The following PPIL2 variants were observed in gnomAD, a reference collection of about 807,000 sequenced individuals.
PPIL2 encodes peptidylprolyl isomerase like 2, also known as RING-type E3 ubiquitin-protein ligase PPIL2.
PPIL2 carries 50 observed loss-of-function variants against 75.2 expected under a neutral mutation model. The ratio of observed to expected loss-of-function variants is 0.66; its 90% CI spans 0.53 to 0.84. The LOEUF is 0.84. Among genes scored for constraint, PPIL2 ranks in the 40% least tolerant of loss-of-function variants. PPIL2 has a pLI of 0.00. For missense variants in PPIL2, 590 were observed against 685.0 expected (o/e 0.86, Z 1.55); for synonymous variants, 245 against 258.8 (o/e 0.95, Z 0.51).
In PPIL2 at chr22:21,669,332, A is replaced by G. The variant is rs748337475; in HGVS notation, c.33-581A>G. 343 of 450,496 alleles carry G rather than the reference A, an allele frequency of 7.6e-4. 4 individuals carry two copies. The highest frequency in any genetic ancestry group is 1.4e-4 in the Non-Finnish European group (32 of 223,626). 27.9% of individuals were successfully genotyped at this position (450,496 alleles called of 1,614,324 possible). ...CTGGCTAAGTTTTAAATTTTCTTGT[A>G]GAGACAGATTCTCGCTTTGTTGCCC... On this transcript the variant is annotated intron_variant, in intron 1 of 19. Coordinates refer to ENST00000398831, the MANE Select transcript of PPIL2 (RefSeq NM_014337.4).
chr22:21,668,128 T>A (rs1313328631), intron 1 of PPIL2, among the ~76,000 whole-genome samples: 1 of 150,820 alleles, frequency 6.6e-6, no homozygotes, highest in Non-Finnish European at 1.5e-5. Flanking sequence ...TTTCAGCTCT[T>A]GAGCCTGCTC....
chr22:21,696,511 C>T lies in PPIL2; in HGVS notation c.*1021C>T, dbSNP rs532864534. 9 of 1,292,092 alleles carry T rather than the reference C, an allele frequency of 7.0e-6. No homozygotes were observed. The highest frequency in any genetic ancestry group is 6.6e-5 in the Admixed American group (2 of 30,152). 80.0% of individuals were successfully genotyped at this position (1,292,092 alleles called of 1,614,324 possible). On this transcript the variant is annotated 3_prime_UTR_variant, in exon 20 of 20. Coordinates refer to ENST00000398831, the MANE Select transcript of PPIL2 (RefSeq NM_014337.4). Reference sequence around the variant, plus strand: ...ATCAGCAGCCCTTAAAGAAAGACCCCTCCCTCAACCCCCATTTTTCTGTTA... The same window carrying T: ...ATCAGCAGCCCTTAAAGAAAGACCCTTCCCTCAACCCCCATTTTTCTGTTA...
intron 11 of PPIL2, 62 bp downstream of exon 11, chr22:21,686,620 T>A: frequency 6.6e-7 from 1 of 1,504,448 alleles, no homozygotes; most frequent in Non-Finnish European, 9.2e-7. Context: ...GGGGTGGGTG[T>A]GCTCCCCGAC....
rs762041135 is a variant in PPIL2, at chr22:21,695,029, C to T, written c.1425C>T (p.Thr475=). The T allele has an allele frequency of 6.2e-7, 1 of 1,612,664 alleles. No homozygotes were observed. The highest frequency in any genetic ancestry group is 2.2e-5 in the East Asian group (1 of 44,874). The part of the protein sequence containing the change: ...QPQAGSQGPQ[T]FRQGVGKYIN... The stretch of plus-strand genomic sequence containing the variant: ...AGGCAGGGAGCCAGGGCCCCCAGAC[C>T]TTCCGCCAGGGCGTGGGCAAGTACA... Residue 475 remains threonine, a synonymous_variant, in exon 19 of 20, where the codon ACC becomes ACT. Transcript: ENST00000398831.
chr22:21,682,339 C>T (rs923682369), intron 7 of PPIL2, 98 bp from the exon 8 acceptor site: 30 of 989,274 alleles, frequency 3.0e-5, no homozygotes, highest in South Asian at 8.1e-5. Context: ...CCTCTCAAAT[C>T]GTGCCATGGT....
Position 21,696,471 on chromosome 22 carries a change from C to G in PPIL2, c.*981C>G, listed in dbSNP as rs1348512314. ...TCCTGTCAGTCACTGACTCTGATGGCCTTGGGCCAGCTGCATCAGCAGCCC... is the reference window on the plus strand; with the variant it reads ...TCCTGTCAGTCACTGACTCTGATGGGCTTGGGCCAGCTGCATCAGCAGCCC... On this transcript the variant is annotated 3_prime_UTR_variant, in exon 20 of 20. Coordinates refer to ENST00000398831, the MANE Select transcript of PPIL2 (RefSeq NM_014337.4). The G allele has an allele frequency of 4.9e-6, 6 of 1,221,044 alleles. No homozygotes were observed. Among genetic ancestry groups the G allele is most frequent in the Non-Finnish European group, 6.2e-6 (6 of 966,050 alleles). 75.6% of individuals were successfully genotyped at this position (1,221,044 alleles called of 1,614,324 possible).
At chr22:21,687,610 C>A in intron 12 of PPIL2, 33 bp from the exon 13 acceptor site, 8 of 958,248 alleles carry the variant, frequency 8.3e-6, no homozygotes, top group South Asian at 1.3e-5. Flanking sequence ...TGGCAGCTCT[C>A]TGCTTCATAC....
chr22:21,696,359 A>G lies in PPIL2; in HGVS notation c.*869A>G. 1 of 1,141,140 alleles carries G rather than the reference A, an allele frequency of 8.8e-7. No homozygotes were observed. Among genetic ancestry groups the G allele is most frequent in the Non-Finnish European group, 1.1e-6 (1 of 921,284 alleles). The allele number at this position is 1,141,140 out of a possible 1,614,324, so 70.7% of individuals were successfully genotyped here. A position where few individuals can be genotyped will look rare whatever the true frequency, so the allele number is the denominator to read the frequency against. On this transcript the variant is annotated 3_prime_UTR_variant, in exon 20 of 20. Transcript: ENST00000398831. ...TGAGGCCAGTGTCTCCTGCTGTGAG[A>G]ACAAGTGGATGTCCCTCTCCCCGCC...
intron 9 of PPIL2, 103 bp downstream of exon 9, chr22:21,683,360 C>G: frequency 1.1e-6 from 1 of 949,340 alleles, no homozygotes; most frequent in Non-Finnish European, 1.6e-6. Flanking sequence ...CAGGGGGTCC[C>G]AGCCCAGACA....
intron 6 of PPIL2, among the ~76,000 whole-genome samples, chr22:21,680,217 G>C (rs1442589796): frequency 6.6e-6 from 1 of 152,088 alleles, no homozygotes; most frequent in African/African-American, 2.4e-5. Context: ...ACTGGGTGGG[G>C]ACTTACAGGC....
intron 9 of PPIL2, among the ~76,000 whole-genome samples, chr22:21,683,613 G>A (rs1161110988): frequency 6.6e-6 from 1 of 152,222 alleles, no homozygotes; most frequent in African/African-American, 2.4e-5. Flanking sequence ...GAGGTCACTC[G>A]GCCTTGTGCT....
intron 6 of PPIL2, among the ~76,000 whole-genome samples, chr22:21,679,720 A>G (rs1049236338): frequency 4.0e-5 from 6 of 151,724 alleles, no homozygotes; most frequent in African/African-American, 1.5e-4. Flanking sequence ...TAGAGGTGTG[A>G]GCCACCTCTA....
chr22:21,668,855 G>C (rs921982535), intron 1 of PPIL2, among the ~76,000 whole-genome samples: 1 of 150,882 alleles, frequency 6.6e-6, no homozygotes, highest in African/African-American at 2.4e-5. Context: ...GGGACTACAG[G>C]CGCCTGCCAC....
At chr22:21,677,720 A>G in intron 6 of PPIL2, among the ~76,000 whole-genome samples, 1 of 152,148 alleles carries the variant, frequency 6.6e-6, no homozygotes. Context: ...AGGGAGGGAC[A>G]GCAAATATTT....
In PPIL2 at chr22:21,696,563, C is replaced by T. The variant is rs889091319; in HGVS notation, c.*1073C>T. 27 of 1,394,462 alleles carry T rather than the reference C, an allele frequency of 1.9e-5. No homozygotes were observed. The South Asian group carries it at 2.5e-4, about 13-fold the overall frequency. The allele number at this position is 1,394,462 out of a possible 1,614,324, so 86.4% of individuals were successfully genotyped here. On this transcript the variant is annotated 3_prime_UTR_variant, in exon 20 of 20. Transcript: ENST00000398831. ...ATGTGCCCCTGGCTGGCTTTTTCTT[C>T]GTCTTCAGCCCAGGCCAGTGGTCAG...
intron 1 of PPIL2, among the ~76,000 whole-genome samples, chr22:21,668,873 G>A (rs949177839): frequency 3.3e-5 from 5 of 151,356 alleles, no homozygotes; most frequent in East Asian, 2.0e-4. Flanking sequence ...CACCACGCCC[G>A]GCTAATTTTT....
At chr22:21,671,736 T>C (rs1306199121) in intron 4 of PPIL2, among the ~76,000 whole-genome samples, 1 of 152,134 alleles carries the variant, frequency 6.6e-6, no homozygotes. Context: ...TGATGCTAGC[T>C]TAGTATTTAA....
rs2066612233 is a variant in PPIL2 at position 21,671,038 on chromosome 22, A to C, written c.170A>C (p.Asp57Ala). ...TTTGTCTACCCAGTCTGCACTCCCG[A>C]TGGCATCGTCTTTGACTTACTGTGA... ...QPFVYPVCTP[D>A]GIVFDLLNIV... The change falls in exon 4 of 20, where the codon GAT becomes GCT. Residue 57 changes from aspartate to alanine, a missense_variant. Transcript: ENST00000398831. 6.2e-7 allele frequency: 1 copy of C among 1,612,666 alleles called. No individual in the cohort carries two copies. Among genetic ancestry groups the C allele is most frequent in the South Asian group, 1.1e-5 (1 of 91,052 alleles).
intron 10 of PPIL2, chr22:21,685,786 C>T (rs753664089): frequency 6.3e-5 from 24 of 382,460 alleles, no homozygotes; most frequent in Non-Finnish European, 9.2e-5. Flanking sequence ...CTTTTTCTTC[C>T]TCTATGATAA....
Sources: allele counts gnomAD v4.1 joint callset (sites outside exome capture counted in the v4.1 genomes callset), GRCh38; gene constraint gnomAD v4.1.1; transcripts MANE v1.5; gene names NCBI Gene and HGNC (gene_info 2026-07-23, HGNC 2026-07-21).